The following RCAN2 variants were observed in gnomAD, a reference collection of about 807,000 sequenced individuals.
RCAN2 encodes the protein regulator of calcineurin 2.
A neutral mutation model predicts 23.6 loss-of-function variants in RCAN2; 9 were observed. The ratio of observed to expected loss-of-function variants is 0.38; its 90% CI spans 0.23 to 0.67. RCAN2 has a LOEUF of 0.67. Ranked by LOEUF, RCAN2 falls within the 30% of genes least tolerant of loss-of-function variation. The pLI, the probability that RCAN2 is intolerant of heterozygous loss-of-function variation, is 0.51. For synonymous variants in RCAN2, 109 were observed against 115.7 expected, an observed-to-expected ratio of 0.94 and a Z score of 0.37; for missense variants, 273 against 302.3, an observed-to-expected ratio of 0.90 and a Z score of 0.72.
intron 2 of RCAN2, among the ~76,000 whole-genome samples, chr6:46,330,319 A>G (rs1413273268): frequency 6.6e-6 from 1 of 152,144 alleles, no homozygotes; most frequent in East Asian, 1.9e-4. Context: ...CTGTATTTTA[A>G]TAAGCCCTCC....
chr6:46,345,399 T>C (rs1764452356), intron 2 of RCAN2, among the ~76,000 whole-genome samples: 1 of 152,128 alleles, frequency 6.6e-6, no homozygotes, highest in African/African-American at 2.4e-5. Flanking sequence ...CTTGACCTAA[T>C]TGATAATTAT....
chr6:46,341,883 A>G (rs2396640), intron 2 of RCAN2, among the ~76,000 whole-genome samples: 63,750 of 151,662 alleles, frequency 0.42, 14,777 homozygotes, highest in East Asian at 0.6. Context: ...GTGGTAAATC[A>G]AAAAGCTAGG....
chr6:46,242,730 A>G (rs1325989438), intron 4 of RCAN2, among the ~76,000 whole-genome samples: 1 of 152,236 alleles, frequency 6.6e-6, no homozygotes, highest in Admixed American at 6.5e-5. Flanking sequence ...TTTTTTAAAA[A>G]TGAAAATGCT....
At chr6:46,408,622 G>T (rs923085976) in intron 2 of RCAN2, among the ~76,000 whole-genome samples, 8 of 152,128 alleles carry the variant, frequency 5.3e-5, no homozygotes, top group Non-Finnish European at 7.4e-5. Context: ...ACGGAGCAAA[G>T]CTGCCAGCCC....
chr6:46,314,156 G>A (rs1763350105), intron 2 of RCAN2, among the ~76,000 whole-genome samples: 1 of 151,966 alleles, frequency 6.6e-6, no homozygotes, highest in Non-Finnish European at 1.5e-5. Context: ...GAGGCCAGGG[G>A]TTCGAGGCCA....
intron 2 of RCAN2, among the ~76,000 whole-genome samples, chr6:46,385,606 C>T (rs1370717563): frequency 1.3e-5 from 2 of 152,076 alleles, no homozygotes; most frequent in East Asian, 1.9e-4. Context: ...CCTGTAATCC[C>T]AGCACTTTGG....
intron 2 of RCAN2, among the ~76,000 whole-genome samples, chr6:46,351,121 A>T (rs994673291): frequency 8.5e-5 from 13 of 152,358 alleles, no homozygotes; most frequent in African/African-American, 3.1e-4. Context: ...TTATTGGATA[A>T]AATGCAGAGG....
chr6:46,332,959 C>A (rs1764028628), intron 2 of RCAN2, among the ~76,000 whole-genome samples: 1 of 152,204 alleles, frequency 6.6e-6, no homozygotes, highest in African/African-American at 2.4e-5. Context: ...TCCACATACT[C>A]TCCAGCACAC....
At chr6:46,350,820 A>C (rs1156970116) in intron 2 of RCAN2, among the ~76,000 whole-genome samples, 1 of 152,142 alleles carries the variant, frequency 6.6e-6, no homozygotes, top group East Asian at 1.9e-4. Context: ...AGCAAGCACT[A>C]TTCTAATCCC....
chr6:46,469,022 G>T (rs1360182886), intron 1 of RCAN2, among the ~76,000 whole-genome samples: 2 of 152,114 alleles, frequency 1.3e-5, no homozygotes, highest in Non-Finnish European at 2.9e-5. Context: ...TATTGAAGAC[G>T]GTTTCTATCA....
chr6:46,320,458 T>G (rs1258669194), intron 2 of RCAN2, among the ~76,000 whole-genome samples: 1 of 152,196 alleles, frequency 6.6e-6, no homozygotes, highest in Non-Finnish European at 1.5e-5. Flanking sequence ...TTCATTGTAC[T>G]CAGTGGCCAT....
intron 1 of RCAN2, among the ~76,000 whole-genome samples, chr6:46,487,682 T>C (rs1398145210): frequency 6.6e-6 from 1 of 152,208 alleles, no homozygotes; most frequent in Non-Finnish European, 1.5e-5. Flanking sequence ...ACCATGGAGA[T>C]TCCTCTACTT....
At chr6:46,318,877 G>A (rs1186457907) in intron 2 of RCAN2, among the ~76,000 whole-genome samples, 4 of 152,096 alleles carry the variant, frequency 2.6e-5, no homozygotes, top group Non-Finnish European at 5.9e-5. Flanking sequence ...TCTAGGGAAG[G>A]TCTAACTTGG....
intron 2 of RCAN2, among the ~76,000 whole-genome samples, chr6:46,300,163 T>C (rs1291100074): frequency 6.6e-6 from 1 of 151,484 alleles, no homozygotes; most frequent in Non-Finnish European, 1.5e-5. Context: ...GGAATAAAAA[T>C]AGATGGAACA....
intron 1 of RCAN2, among the ~76,000 whole-genome samples, chr6:46,463,591 G>GA (rs1561916225): frequency 6.6e-6 from 1 of 151,892 alleles, no homozygotes; most frequent in Non-Finnish European, 1.5e-5. Flanking sequence ...ACCATGATTG[G>GA]AAAAAAATAC....
At chr6:46,276,783 T>C (rs1767724117) in intron 2 of RCAN2, among the ~76,000 whole-genome samples, 2 of 152,208 alleles carry the variant, frequency 1.3e-5, no homozygotes, top group African/African-American at 4.8e-5. Context: ...AATCATCCTC[T>C]TGGCCATGTA....
At chr6:46,398,072 AAAAAT>A (rs1766145870) in intron 2 of RCAN2, among the ~76,000 whole-genome samples, 1 of 152,210 alleles carries the variant, frequency 6.6e-6, no homozygotes, top group Admixed American at 6.5e-5. Flanking sequence ...TGAAGACAAT[AAAAAT>A]GTTATTTCAG....
At position 46,314,725 on chromosome 6, in the gene RCAN2, C is replaced by T. The variant is rs553878847; in HGVS notation, c.226-65829G>A. Among the ~76,000 whole-genome samples, 103 of 152,310 alleles carry T rather than the reference C, an allele frequency of 6.8e-4. 1 individual carries two copies. The highest frequency in any genetic ancestry group is 2.3e-3 in the African/African-American group (97 of 41,570). Reference sequence around the variant, plus strand: ...TAGATATATTTTAAAGAAATGGGTTCTGAGTTCAACCTCTCTTTTCCTTCA... The same window carrying T: ...TAGATATATTTTAAAGAAATGGGTTTTGAGTTCAACCTCTCTTTTCCTTCA... On this transcript the variant is annotated intron_variant, in intron 2 of 4. Coordinates refer to ENST00000371374, the MANE Select transcript of RCAN2 (RefSeq NM_001251974.2).
chr6:46,385,959 G>A (rs528678637), intron 2 of RCAN2, among the ~76,000 whole-genome samples: 1 of 151,588 alleles, frequency 6.6e-6, no homozygotes, highest in African/African-American at 2.4e-5. Context: ...ACATAGGCAT[G>A]GGCAAAGATT....
Sources: gnomAD v4.1 joint callset for allele counts (sites outside exome capture counted in the v4.1 genomes callset) on GRCh38, gnomAD v4.1.1 for gene constraint, MANE v1.5 for transcripts, NCBI Gene and HGNC (gene_info 2026-07-23, HGNC 2026-07-21) for gene names.